FLRT2: variants seen among roughly 807,000 people sequenced by gnomAD.
FLRT2 encodes the protein fibronectin leucine rich transmembrane protein 2.
FLRT2 carries 15 observed loss-of-function variants against 40.0 expected under a neutral mutation model. That is an observed-to-expected ratio of 0.38 (90% CI 0.25 to 0.58). The LOEUF (loss-of-function observed/expected upper bound fraction) is 0.58, where lower values mean the gene tolerates loss of function less well. FLRT2 is among the 20% of genes least tolerant of loss of function. The pLI is 0.71. For synonymous variants in FLRT2, 380 were observed against 336.8 expected (o/e 1.13, Z -1.41); for missense variants, 726 against 840.0 (o/e 0.86, Z 1.68).
chr14:85,640,981 T>A lies in FLRT2; in HGVS notation c.*17484T>A, dbSNP rs868004511. 7.2e-5 allele frequency: 11 copies of A among 152,284 alleles called. No homozygotes were observed. The highest frequency in any genetic ancestry group is 1.4e-4 in the African/African-American group (6 of 41,568). 9.4% of individuals were successfully genotyped at this position (152,284 alleles called of 1,614,324 possible). A position where few individuals can be genotyped will look rare whatever the true frequency, so the allele number is the denominator to read the frequency against. On this transcript the variant is annotated 3_prime_UTR_variant, in exon 2 of 2. Transcript: ENST00000330753. ...CTGTAGCCATAATTTCCTCATAGATTTGGTATGAGTTAAAATGCATAGAAA... is the reference window on the plus strand; with the variant it reads ...CTGTAGCCATAATTTCCTCATAGATATGGTATGAGTTAAAATGCATAGAAA...
intron 1 of FLRT2, among the ~76,000 whole-genome samples, chr14:85,580,772 T>C (rs918517993): frequency 6.6e-6 from 1 of 151,904 alleles, no homozygotes; most frequent in African/African-American, 2.4e-5. Flanking sequence ...TTCTAGCGGA[T>C]TGAGAAAAAT....
At chr14:85,547,725 G>T (rs184259459) in intron 1 of FLRT2, among the ~76,000 whole-genome samples, 1 of 152,252 alleles carries the variant, frequency 6.6e-6, no homozygotes, top group African/African-American at 2.4e-5. Context: ...CAGGGTTGAG[G>T]ATGTGCACCC....
intron 1 of FLRT2, among the ~76,000 whole-genome samples, chr14:85,540,598 TC>T (rs1395159275): frequency 6.6e-6 from 1 of 152,196 alleles, no homozygotes; most frequent in Admixed American, 6.5e-5. Context: ...CGTGGTTGGA[TC>T]CCGATTCTTG....
chr14:85,634,566 T>G lies in FLRT2; in HGVS notation c.*11069T>G, dbSNP rs1045737071. On this transcript the variant is annotated 3_prime_UTR_variant, in exon 2 of 2. Coordinates refer to ENST00000330753, the MANE Select transcript of FLRT2 (RefSeq NM_013231.6). ...GCCTATTGGATGGGAAGTTATATTA[T>G]GAAAACATGATGAATCTTTTAAATT... 2.6e-5 allele frequency: 4 copies of G among 152,334 alleles called. No individual in the cohort carries two copies. The highest frequency in any genetic ancestry group is 7.2e-5 in the African/African-American group (3 of 41,582). The allele number at this position is 152,334 out of a possible 1,614,324, so 9.4% of individuals were successfully genotyped here. A position where few individuals can be genotyped will look rare whatever the true frequency, so the allele number is the denominator to read the frequency against.
At chr14:85,550,735 A>AT (rs11354305) in intron 1 of FLRT2, among the ~76,000 whole-genome samples, 26 of 151,908 alleles carry the variant, frequency 1.7e-4, no homozygotes, top group South Asian at 6.2e-4. Flanking sequence ...TATAGAACAC[A>AT]TTTTTTTTAA....
chr14:85,636,953 AAGAG>A lies in FLRT2; in HGVS notation c.*13462_*13465del, dbSNP rs1555373277. On this transcript the variant is annotated 3_prime_UTR_variant, in exon 2 of 2. Transcript: ENST00000330753. ...CCAAAAAAAAAAAAAAAAAAAAAAA[AAGAG>A]AGAGACTAACATTCTAACAGACAAA... is the stretch of plus-strand genomic sequence containing the variant. The A allele has an allele frequency of 6.6e-6, 1 of 150,452 alleles. No homozygotes were observed. Among genetic ancestry groups the A allele is most frequent in the Non-Finnish European group, 1.5e-5 (1 of 67,644 alleles). The allele number at this position is 150,452 out of a possible 1,614,324, so 9.3% of individuals were successfully genotyped here. A position where few individuals can be genotyped will look rare whatever the true frequency, so the allele number is the denominator to read the frequency against.
rs559860512 is a variant in FLRT2, at chr14:85,530,766, G to A, written c.-377+232G>A. 2.2e-4 allele frequency among the ~76,000 whole-genome samples: 34 copies of A among 152,230 alleles called. No homozygotes were observed. In the South Asian group the frequency reaches 6.8e-3, roughly 31 times the overall value. ...TGGTCGAATCCACCTCCTCTACGGAGCATCATGACTGAGTTCTGGGTCAAA... is the reference window on the plus strand; with the variant it reads ...TGGTCGAATCCACCTCCTCTACGGAACATCATGACTGAGTTCTGGGTCAAA... On this transcript the variant is annotated intron_variant, in intron 1 of 1. Transcript: ENST00000330753.
At chr14:85,579,954 A>G (rs1891312398) in intron 1 of FLRT2, among the ~76,000 whole-genome samples, 2 of 143,828 alleles carry the variant, frequency 1.4e-5, no homozygotes, top group Non-Finnish European at 3.0e-5. Context: ...TTTTTAAATA[A>G]GTGGTTATCC....
Position 85,623,864 on chromosome 14 carries a change from C to G in FLRT2, c.*367C>G, listed in dbSNP as rs1893545940. 5.2e-6 allele frequency: 1 copy of G among 191,236 alleles called. No individual in the cohort carries two copies. Among genetic ancestry groups the G allele is most frequent in the African/African-American group, 2.4e-5 (1 of 42,534 alleles). 11.8% of individuals were successfully genotyped at this position (191,236 alleles called of 1,614,324 possible). On this transcript the variant is annotated 3_prime_UTR_variant, in exon 2 of 2. Coordinates refer to ENST00000330753, the MANE Select transcript of FLRT2 (RefSeq NM_013231.6). ...CTGTTGAAGCTGTCAGAATAAATTC[C>G]TGGTGGTCAGATGAAAGGGCAGATT...
chr14:85,554,227 A>C (rs1391375306), intron 1 of FLRT2, among the ~76,000 whole-genome samples: 1 of 152,230 alleles, frequency 6.6e-6, no homozygotes, highest in East Asian at 1.9e-4. Flanking sequence ...CATATACCAG[A>C]AAGTTCAAAG....
At chr14:85,567,787 C>T (rs112791607) in intron 1 of FLRT2, among the ~76,000 whole-genome samples, 2 of 151,758 alleles carry the variant, frequency 1.3e-5, no homozygotes, top group South Asian at 2.1e-4. Flanking sequence ...ATTACAGGGG[C>T]GCGCCACCAT....
rs1893552889 is a variant in FLRT2 at position 85,623,975 on chromosome 14, C to T, written c.*478C>T. On this transcript the variant is annotated 3_prime_UTR_variant, in exon 2 of 2. Transcript: ENST00000330753. ...TCACACTATTCCTATACCTCCAGGT[C>T]CGGAAGACAGGTAAAAAATTCTATA... The T allele has an allele frequency of 6.0e-6, 1 of 167,430 alleles. No homozygotes were observed. Among genetic ancestry groups the T allele is most frequent in the Non-Finnish European group, 1.5e-5 (1 of 68,398 alleles). 10.4% of individuals were successfully genotyped at this position (167,430 alleles called of 1,614,324 possible).
At chr14:85,540,675 A>G (rs1888933619) in intron 1 of FLRT2, among the ~76,000 whole-genome samples, 1 of 151,888 alleles carries the variant, frequency 6.6e-6, no homozygotes, top group Admixed American at 6.6e-5. Context: ...ATTCTTTTCA[A>G]TCTATGATTT....
chr14:85,540,993 A>G (rs1888956059), intron 1 of FLRT2, among the ~76,000 whole-genome samples: 1 of 152,174 alleles, frequency 6.6e-6, no homozygotes, highest in Admixed American at 6.6e-5. Flanking sequence ...AACAAATATA[A>G]GTCTTATGTA....
chr14:85,652,300 T>C lies in FLRT2; in HGVS notation c.*28803T>C, dbSNP rs1894451378. ...TATTAAGTGCTCTGATATGCAGTAA[T>C]ATTTATATTGAGAAGCAACTTTTTT... On this transcript the variant is annotated 3_prime_UTR_variant, in exon 2 of 2. Transcript: ENST00000330753. 6.6e-6 allele frequency: 1 copy of C among 152,112 alleles called. No homozygotes were observed. The highest frequency in any genetic ancestry group is 1.5e-5 in the Non-Finnish European group (1 of 67,974). The allele number at this position is 152,112 out of a possible 1,614,324, so 9.4% of individuals were successfully genotyped here. A position where few individuals can be genotyped will look rare whatever the true frequency, so the allele number is the denominator to read the frequency against.
At chr14:85,539,032 G>A (rs773195462) in intron 1 of FLRT2, among the ~76,000 whole-genome samples, 20 of 152,072 alleles carry the variant, frequency 1.3e-4, no homozygotes, top group Non-Finnish European at 2.4e-4. Context: ...GAGGTAAGAG[G>A]TTTGTTTGCG....
At chr14:85,609,105 C>G (rs1053247794) in intron 1 of FLRT2, among the ~76,000 whole-genome samples, 2 of 152,140 alleles carry the variant, frequency 1.3e-5, no homozygotes, top group Non-Finnish European at 2.9e-5. Context: ...CACACAGACA[C>G]CCCAGCTCTG....
chr14:85,561,474 C>T (rs2235957), intron 1 of FLRT2, among the ~76,000 whole-genome samples: 32,132 of 152,094 alleles, frequency 0.21, 3,853 homozygotes, highest in Non-Finnish European at 0.26. Context: ...TCTTTGCCCT[C>T]ATTTTCAAAG....
At chr14:85,579,332 CG>C in intron 1 of FLRT2, among the ~76,000 whole-genome samples, 1 of 152,022 alleles carries the variant, frequency 6.6e-6, no homozygotes, top group Non-Finnish European at 1.5e-5. Flanking sequence ...AAATAAAGAC[CG>C]GGGGAATTGG....
Sources: gnomAD v4.1 joint callset for allele counts (sites outside exome capture counted in the v4.1 genomes callset) on GRCh38, gnomAD v4.1.1 for gene constraint, MANE v1.5 for transcripts, NCBI Gene and HGNC (gene_info 2026-07-23, HGNC 2026-07-21) for gene names.